The following SMARCAD1 variants were observed in gnomAD, a reference collection of about 807,000 sequenced individuals.
The protein encoded by SMARCAD1 is SWI/SNF-related matrix-associated actin-dependent regulator of chromatin subfamily A containing DEAD/H box 1.
A neutral mutation model predicts 127.1 loss-of-function variants in SMARCAD1; 25 were observed. That is an observed-to-expected ratio of 0.20 (90% confidence interval 0.14 to 0.27). SMARCAD1 has a LOEUF of 0.27. Ranked by LOEUF, SMARCAD1 falls within the 10% of genes least tolerant of loss-of-function variation. The pLI, the probability that SMARCAD1 is intolerant of heterozygous loss-of-function variation, is 1.00. For missense variants in SMARCAD1, 807 were observed against 1,206.0 expected (o/e 0.67, Z 4.90); for synonymous variants, 400 against 396.9 (o/e 1.01, Z -0.09).
At chr4:94,245,909 C>T (rs1748337247) in intron 6 of SMARCAD1, among the ~76,000 whole-genome samples, 1 of 152,166 alleles carries the variant, frequency 6.6e-6, no homozygotes, top group Non-Finnish European at 1.5e-5. Flanking sequence ...TAGAAGAGGA[C>T]ATGATGACCT....
At chr4:94,248,872 A>C (rs1579190753) in intron 6 of SMARCAD1, among the ~76,000 whole-genome samples, 1 of 152,324 alleles carries the variant, frequency 6.6e-6, no homozygotes, top group Middle Eastern at 3.4e-3. Flanking sequence ...GTTGGATAAT[A>C]AAGGAGGTTG....
At chr4:94,253,582 A>G (rs983745972) in intron 9 of SMARCAD1, 1 of 1,053,368 alleles carries the variant, frequency 9.5e-7, no homozygotes, top group Non-Finnish European at 1.1e-6. Context: ...TATGGAGTGT[A>G]GCAGGCTGCA....
intron 9 of SMARCAD1, among the ~76,000 whole-genome samples, chr4:94,259,880 A>C (rs941707519): frequency 1.3e-5 from 2 of 152,200 alleles, no homozygotes; most frequent in South Asian, 2.1e-4. Flanking sequence ...CTTAATATCA[A>C]AATATTCAGA....
chr4:94,265,921 A>T (rs1208360061), intron 10 of SMARCAD1, among the ~76,000 whole-genome samples: 1 of 152,002 alleles, frequency 6.6e-6, no homozygotes, highest in Non-Finnish European at 1.5e-5. Context: ...GATTTTATTT[A>T]CTTCTGATAT....
intron 10 of SMARCAD1, among the ~76,000 whole-genome samples, chr4:94,269,332 G>A (rs1432442498): frequency 1.3e-5 from 2 of 152,130 alleles, no homozygotes; most frequent in African/African-American, 2.4e-5. Context: ...TAAGGGGACA[G>A]GATAAAAGCT....
At chr4:94,240,228 G>A (rs1467593100) in intron 5 of SMARCAD1, among the ~76,000 whole-genome samples, 2 of 152,168 alleles carry the variant, frequency 1.3e-5, no homozygotes, top group African/African-American at 4.8e-5. Context: ...TATTTAAGAA[G>A]TAGGTAAATA....
chr4:94,274,961 A>T lies in SMARCAD1; in HGVS notation c.1804A>T (p.Thr602Ser). ...SRYEDYNVIV[T>S]TYNCAISSSD... is the part of the protein sequence containing the mutation. ...ATATGAAGATTACAATGTAATTGTG[A>T]CCACGTAAGTATTGAGAAATTTGGG... The change falls in exon 14 of 24, where the codon ACC becomes TCC. Residue 602 changes from threonine to serine, a missense_variant. Physicochemically the swap from Thr to Ser is moderately conservative, Grantham distance 58. Around this residue, in one of 8 missense-constraint regions of SMARCAD1, gnomAD observed 148 missense variants for 313.2 expected, o/e 0.47. Transcript: ENST00000354268. 1.3e-6 allele frequency: 2 copies of T among 1,595,584 alleles called. No homozygotes were observed. The highest frequency in any genetic ancestry group is 1.7e-6 in the Non-Finnish European group (2 of 1,164,782).
intron 7 of SMARCAD1, 60 bp from the exon 8 acceptor site, chr4:94,250,692 C>T (rs1179704970): frequency 1.5e-5 from 17 of 1,129,716 alleles, no homozygotes; most frequent in East Asian, 7.1e-5. Context: ...AGAGCATAGA[C>T]GTTTTCTGCA....
chr4:94,276,565 T>A, intron 15 of SMARCAD1, 91 bp downstream of exon 15: 1 of 1,471,148 alleles, frequency 6.8e-7, no homozygotes, highest in Non-Finnish European at 9.2e-7. Context: ...GAATCTGTAT[T>A]ATGTAGTTTA....
At chr4:94,270,873 C>A in intron 11 of SMARCAD1, 55 bp downstream of exon 11, 2 of 1,521,892 alleles carry the variant, frequency 1.3e-6, no homozygotes, top group Non-Finnish European at 1.8e-6. Flanking sequence ...AAAAGGTATT[C>A]TTGCTGTCAT....
intron 2 of SMARCAD1, among the ~76,000 whole-genome samples, chr4:94,224,858 GT>G (rs1420873743): frequency 1.3e-5 from 2 of 152,132 alleles, no homozygotes; most frequent in Non-Finnish European, 2.9e-5. Flanking sequence ...AGGTTTAAAT[GT>G]TTATTATATT....
Position 94,264,851 on chromosome 4 carries a change from C to A in SMARCAD1, c.1426C>A (p.Leu476Ile), listed in dbSNP as rs775415504. ...TAAATTGACCAAACAAGTTACCATG[C>A]TTACTGGAAATGGAGGTGGATGGAA... is the stretch of plus-strand genomic sequence containing the variant. ...SNKLTKQVTM[L>I]TGNGGGWNIE... Residue 476 changes from leucine to isoleucine, a missense_variant, in exon 10 of 24, where the codon CTT becomes ATT. By Grantham distance (5) the Leu-to-Ile change is conservative (BLOSUM62 2). Coordinates refer to ENST00000354268, the MANE Select transcript of SMARCAD1 (RefSeq NM_020159.5). The A allele has an allele frequency of 6.2e-7, 1 of 1,613,034 alleles. No homozygotes were observed. Among genetic ancestry groups the A allele is most frequent in the Non-Finnish European group, 8.5e-7 (1 of 1,179,272 alleles).
chr4:94,243,290 G>T (rs955433307), intron 6 of SMARCAD1, among the ~76,000 whole-genome samples: 4 of 152,186 alleles, frequency 2.6e-5, no homozygotes, highest in Non-Finnish European at 5.9e-5. Flanking sequence ...GTTGAAGAAG[G>T]GGCAGCAGTG....
At chr4:94,286,205 G>T (rs1216020581) in intron 23 of SMARCAD1, among the ~76,000 whole-genome samples, 1 of 152,138 alleles carries the variant, frequency 6.6e-6, no homozygotes, top group Non-Finnish European at 1.5e-5. Flanking sequence ...GAGAAATGAA[G>T]GAGGGAGGTT....
chr4:94,208,237 C>A, intron 1 of SMARCAD1, 109 bp from the exon 2 acceptor site: 1 of 786,486 alleles, frequency 1.3e-6, no homozygotes. Flanking sequence ...CAGTCCTGAG[C>A]CACTGGCATG....
chr4:94,286,558 T>C (rs1754965160), intron 23 of SMARCAD1, among the ~76,000 whole-genome samples: 1 of 152,166 alleles, frequency 6.6e-6, no homozygotes, highest in Non-Finnish European at 1.5e-5. Flanking sequence ...TTCATCGTTT[T>C]CTTTCAAAAG....
At chr4:94,237,235 A>G (rs1382221810) in intron 5 of SMARCAD1, among the ~76,000 whole-genome samples, 1 of 152,082 alleles carries the variant, frequency 6.6e-6, no homozygotes, top group Non-Finnish European at 1.5e-5. Context: ...TGTAACAGTG[A>G]AGTTTTGTAG....
At chr4:94,261,252 T>C (rs1402916889) in intron 9 of SMARCAD1, among the ~76,000 whole-genome samples, 1 of 152,180 alleles carries the variant, frequency 6.6e-6, no homozygotes, top group Non-Finnish European at 1.5e-5. Context: ...ATAATGGTTG[T>C]GTGACTTACA....
At chr4:94,270,137 T>C (rs1752336917) in intron 10 of SMARCAD1, among the ~76,000 whole-genome samples, 1 of 151,472 alleles carries the variant, frequency 6.6e-6, no homozygotes, top group African/African-American at 2.4e-5. Context: ...CATCAGTGAG[T>C]AGAAAGTAGC....
Sources: allele counts gnomAD v4.1 joint callset (sites outside exome capture counted in the v4.1 genomes callset), GRCh38; gene constraint gnomAD v4.1.1; regional missense constraint gnomAD v4.1.1; transcripts MANE v1.5; gene names NCBI Gene and HGNC (gene_info 2026-07-23, HGNC 2026-07-21).